CARHSP1: variants seen among roughly 807,000 people sequenced by gnomAD.
CARHSP1 encodes the protein calcium-regulated heat-stable protein 1.
Under a neutral mutation model 12.5 loss-of-function variants are expected in CARHSP1, and 14 were observed. The ratio of observed to expected loss-of-function variants is 1.12; its 90% confidence interval spans 0.74 to 1.75. The LOEUF (loss-of-function observed/expected upper bound fraction) is 1.75, where lower values mean the gene tolerates loss of function less well. Among genes scored for constraint, CARHSP1 ranks in the 40% most tolerant of loss-of-function variants. The pLI, the probability that CARHSP1 is intolerant of heterozygous loss-of-function variation, is 0.00. For synonymous variants in CARHSP1, 161 were observed against 82.0 expected (o/e 1.96, Z -5.20); for missense variants, 343 against 201.6 (o/e 1.70, Z -4.25).
intron 2 of CARHSP1, 97 bp downstream of exon 2, chr16:8,859,074 G>T (rs530728600): frequency 2.4e-6 from 3 of 1,239,846 alleles, no homozygotes; most frequent in Non-Finnish European, 2.2e-6. Context: ...TTGGCAGTCC[G>T]GGACATAGGC....
chr16:8,857,265 T>TTTTTGTTTTTTGTTTTTTG (rs1472338087), intron 3 of CARHSP1, among the ~76,000 whole-genome samples: 13 of 11,830 alleles, frequency 1.1e-3, no homozygotes, highest in Non-Finnish European at 2.2e-3. Flanking sequence ...GCAGATCTGT[T>TTTTTGTTTTTTGTTTTTTG]TTTTTTTTTT....
At chr16:8,863,666 C>A (rs1269649276) in intron 1 of CARHSP1, among the ~76,000 whole-genome samples, 1 of 152,120 alleles carries the variant, frequency 6.6e-6, no homozygotes, top group Non-Finnish European at 1.5e-5. Context: ...CAGAGTAGGC[C>A]TGGCCAAGGG....
chr16:8,862,093 T>C (rs563407716), intron 1 of CARHSP1, among the ~76,000 whole-genome samples: 1 of 147,018 alleles, frequency 6.8e-6, no homozygotes. Context: ...ACCTCCACCT[T>C]CTGGGTTCAA....
In CARHSP1 at chr16:8,859,198, G is replaced by A. The variant is rs2061258702; in HGVS notation, c.131C>T (p.Pro44Leu). ...CGAGAAGGTCCTCGTCCGGCGAGTG[G>A]GCAGTGGGCTTGGGACCACGTTGCC... ...LRGNVVPSPLPTRRTRTFSAT... is the reference protein window; with the variant it reads ...LRGNVVPSPLLTRRTRTFSAT... Residue 44 changes from proline (P) to leucine (L), a missense_variant, in exon 2 of 4, where the codon CCC becomes CTC. Transcript: ENST00000311052. 2 of 1,603,018 alleles carry A rather than the reference G, an allele frequency of 1.2e-6. No homozygotes were observed. The highest frequency in any genetic ancestry group is 1.7e-6 in the Non-Finnish European group (2 of 1,175,380).
At chr16:8,861,629 G>C (rs1444203719) in intron 1 of CARHSP1, 1 of 1,289,140 alleles carries the variant, frequency 7.8e-7, no homozygotes, top group Non-Finnish European at 1.0e-6. Flanking sequence ...TGGGAAGCTG[G>C]TGGCTGGCTT....
Position 8,855,066 on chromosome 16 carries a change from G to A in CARHSP1, c.*98C>T. On this transcript the variant is annotated 3_prime_UTR_variant, in exon 4 of 4. Coordinates refer to ENST00000311052, the MANE Select transcript of CARHSP1 (RefSeq NM_014316.4). ...TTGAGAGGGACCATGCCCGGCTGAA[G>A]CCCCGTCTCGTGTGGAAGAATGTCA... is the stretch of plus-strand genomic sequence containing the variant. 1.9e-6 allele frequency: 2 copies of A among 1,068,572 alleles called. No homozygotes were observed. Among genetic ancestry groups the A allele is most frequent in the South Asian group, 2.0e-5 (1 of 49,588 alleles). The allele number at this position is 1,068,572 out of a possible 1,614,324, so 66.2% of individuals were successfully genotyped here. A position where few individuals can be genotyped will look rare whatever the true frequency, so the allele number is the denominator to read the frequency against.
At position 8,859,285 on chromosome 16, in the gene CARHSP1, TGATG is replaced by T; in HGVS notation, c.40_43del (p.His14LysfsTer212). 6.3e-7 allele frequency: 1 copy of T among 1,598,980 alleles called. No homozygotes were observed. Among genetic ancestry groups the T allele is most frequent in the East Asian group, 2.2e-5 (1 of 44,520 alleles). ...GGTGTCCAGCAGCCCGACTGAAGCTTGATGGGTGGGGGGCTGTGGTGGTGGGGGA... is the reference window on the plus strand; with the variant it reads ...GGTGTCCAGCAGCCCGACTGAAGCTTGGTGGGGGGCTGTGGTGGTGGGGGA... On this transcript the variant is annotated frameshift_variant, in exon 2 of 4. Transcript: ENST00000311052. LOFTEE classifies it high-confidence loss of function.
At chr16:8,858,286 C>A in intron 3 of CARHSP1, 64 bp downstream of exon 3, 1 of 1,577,854 alleles carries the variant, frequency 6.3e-7, no homozygotes, top group South Asian at 1.1e-5. Context: ...ACACCATCCC[C>A]ACCTCCACAG....
At chr16:8,863,964 C>T (rs1483887441) in intron 1 of CARHSP1, among the ~76,000 whole-genome samples, 2 of 152,186 alleles carry the variant, frequency 1.3e-5, no homozygotes, top group Non-Finnish European at 2.9e-5. Context: ...CAGCAGAAGA[C>T]AGGGCCTGCC....
chr16:8,860,391 G>C (rs1567186348), intron 1 of CARHSP1: 2 of 985,346 alleles, frequency 2.0e-6, no homozygotes. Context: ...CCTAGCTGCT[G>C]CTGTGCTTTT....
At chr16:8,856,561 G>T (rs1657069) in intron 3 of CARHSP1, among the ~76,000 whole-genome samples, 137,114 of 151,626 alleles carry the variant, frequency 0.9, 62,187 homozygotes, top group East Asian at 1. Context: ...ATGTATGCAT[G>T]CATATGTGAA....
intron 1 of CARHSP1, among the ~76,000 whole-genome samples, chr16:8,866,190 G>C (rs1240475489): frequency 1.3e-5 from 2 of 152,314 alleles, no homozygotes; most frequent in Admixed American, 1.3e-4. Flanking sequence ...CCAGGCTCAA[G>C]AGATTCTCCC....
intron 1 of CARHSP1, chr16:8,859,875 G>GC (rs2061292609): frequency 6.5e-6 from 1 of 152,676 alleles, no homozygotes; most frequent in African/African-American, 2.4e-5. Context: ...CTACTTGAAG[G>GC]CTGAGGCATG....
chr16:8,856,277 A>G (rs1219694624), intron 3 of CARHSP1, among the ~76,000 whole-genome samples: 1 of 151,970 alleles, frequency 6.6e-6, no homozygotes, highest in Non-Finnish European at 1.5e-5. Flanking sequence ...CCCCCAGAGG[A>G]AAACCCCCTT....
At chr16:8,861,692 C>T (rs895399531) in intron 1 of CARHSP1, 27 of 1,289,014 alleles carry the variant, frequency 2.1e-5, no homozygotes, top group Middle Eastern at 2.2e-4. Flanking sequence ...CAGCTACAGC[C>T]GCGGCCAAGG....
At chr16:8,857,314 C>CTTTTTTTTTTTTTTTTTTT (rs1850968180) in intron 3 of CARHSP1, 1 of 91,616 alleles carries the variant, frequency 1.1e-5, no homozygotes, top group Non-Finnish European at 2.1e-5. Flanking sequence ...TGGAGTTTTG[C>CTTTTTTTTTTTTTTTTTTT]TCTTGTTGCC....
intron 3 of CARHSP1, chr16:8,857,992 T>TGACCTCGTGATCCACCCAC (rs2061203063): frequency 4.4e-6 from 1 of 225,550 alleles, no homozygotes; most frequent in Non-Finnish European, 8.9e-6. Context: ...CTGGATCTCC[T>TGACCTCGTGATCCACCCAC]GACCTCGTGA....
At chr16:8,866,180 C>T (rs2061451664) in intron 1 of CARHSP1, among the ~76,000 whole-genome samples, 1 of 152,140 alleles carries the variant, frequency 6.6e-6, no homozygotes, top group Non-Finnish European at 1.5e-5. Context: ...TCTCGACCTC[C>T]CAGGCTCAAG....
At chr16:8,855,952 A>G (rs1037614345) in intron 3 of CARHSP1, among the ~76,000 whole-genome samples, 2 of 152,066 alleles carry the variant, frequency 1.3e-5, no homozygotes, top group African/African-American at 4.8e-5. Context: ...AGTATCTGGG[A>G]CTATAGGCAC....
Sources: allele counts gnomAD v4.1 joint callset (sites outside exome capture counted in the v4.1 genomes callset), GRCh38; gene constraint gnomAD v4.1.1; transcripts MANE v1.5; gene names NCBI Gene and HGNC (gene_info 2026-07-23, HGNC 2026-07-21).